Variants in MPC1 observed in about 807,000 individuals in gnomAD.
MPC1 encodes the protein HSPC040 protein.
In MPC1, 6 loss-of-function variants were observed where a neutral mutation model predicts 13.9. The observed-to-expected ratio is 0.43, with a 90% CI of 0.24 to 0.85. The LOEUF (loss-of-function observed/expected upper bound fraction) is 0.85, where lower values mean the gene tolerates loss of function less well. Ranked by LOEUF, MPC1 falls within the 40% of genes least tolerant of loss-of-function variation. The pLI is 0.24. For missense variants in MPC1, 115 were observed against 143.3 expected (o/e 0.80, Z 1.01); for synonymous variants, 47 against 50.5 (o/e 0.93, Z 0.29).
chr6:166,370,180 C>A, intron 2 of MPC1, 38 bp downstream of exon 2: 1 of 780,902 alleles, frequency 1.3e-6, no homozygotes, highest in South Asian at 1.3e-5. Flanking sequence ...TGCAGAAAGT[C>A]TGCAAAAGCC....
chr6:166,380,583 A>C (rs1022114133), intron 1 of MPC1, among the ~76,000 whole-genome samples: 9 of 152,244 alleles, frequency 5.9e-5, no homozygotes, highest in African/African-American at 2.2e-4. Context: ...AAGAAAATAT[A>C]ACACTTAGAA....
chr6:166,381,805 G>C (rs899308038), intron 1 of MPC1: 1 of 983,538 alleles, frequency 1.0e-6, no homozygotes, highest in Non-Finnish European at 1.2e-6. Context: ...CTTTACTTTG[G>C]TTGACAGAAT....
chr6:166,382,071 C>G (rs1466000102), intron 1 of MPC1, among the ~76,000 whole-genome samples: 2 of 152,258 alleles, frequency 1.3e-5, no homozygotes, highest in East Asian at 3.8e-4. Context: ...GCGACCCACT[C>G]CGAGGATCTG....
chr6:166,376,930 A>T (rs931064972), intron 1 of MPC1, among the ~76,000 whole-genome samples: 4 of 152,098 alleles, frequency 2.6e-5, no homozygotes. Flanking sequence ...TTTAATTGGT[A>T]CTTTTAGTCT....
chr6:166,379,840 G>A (rs1325465844), intron 1 of MPC1, among the ~76,000 whole-genome samples: 6 of 152,158 alleles, frequency 3.9e-5, no homozygotes, highest in African/African-American at 1.4e-4. Context: ...AAGAAAAGCC[G>A]GGCTGTAAGC....
chr6:166,366,061 A>G lies in MPC1; in HGVS notation c.218T>C (p.Val73Ala). 1 of 1,614,126 alleles carries G rather than the reference A, an allele frequency of 6.2e-7. No individual in the cohort carries two copies. The highest frequency in any genetic ancestry group is 2.2e-5 in the East Asian group (1 of 44,886). ...SLTFMRFAYK[V>A]QPRNWLLFAC... Reference sequence around the variant, plus strand: ...AAACAGAAGCCAGTTCCGAGGCTGTACCTTGTAGGCAAATCTCATGAATGT... The same window carrying G: ...AAACAGAAGCCAGTTCCGAGGCTGTGCCTTGTAGGCAAATCTCATGAATGT... Residue 73 changes from valine to alanine, a missense_variant, in exon 4 of 5, where the codon GTA becomes GCA. By Grantham distance (64) the Val-to-Ala change is moderately conservative. This residue lies in a region of MPC1 where 71 missense variants were observed against 88.5 expected (regional missense o/e 0.80). Coordinates refer to ENST00000360961, the MANE Select transcript of MPC1 (RefSeq NM_016098.4).
chr6:166,370,616 G>A (rs1779342856), intron 1 of MPC1, among the ~76,000 whole-genome samples: 1 of 152,238 alleles, frequency 6.6e-6, no homozygotes, highest in Admixed American at 6.5e-5. Flanking sequence ...CACTCTGGGA[G>A]GCTAAGGCAG....
At chr6:166,373,894 G>C (rs767620854) in intron 1 of MPC1, among the ~76,000 whole-genome samples, 1 of 152,146 alleles carries the variant, frequency 6.6e-6, no homozygotes, top group Non-Finnish European at 1.5e-5. Flanking sequence ...ATGCTTATTT[G>C]CCATCTGAAC....
At chr6:166,380,191 A>G (rs1003268704) in intron 1 of MPC1, among the ~76,000 whole-genome samples, 9 of 152,248 alleles carry the variant, frequency 5.9e-5, no homozygotes, top group Admixed American at 2.0e-4. Flanking sequence ...GCAAAAACAG[A>G]AGGATATAAT....
intron 1 of MPC1, among the ~76,000 whole-genome samples, chr6:166,373,382 T>C (rs1404284255): frequency 6.6e-6 from 1 of 152,272 alleles, no homozygotes; most frequent in Non-Finnish European, 1.5e-5. Flanking sequence ...CCAGGTAGTA[T>C]GCAGCCTTTT....
chr6:166,368,079 AT>A (rs1779228319), intron 2 of MPC1, among the ~76,000 whole-genome samples: 1 of 152,218 alleles, frequency 6.6e-6, no homozygotes, highest in South Asian at 2.1e-4. Context: ...AACTCTGTAA[AT>A]TAGGCACAGT....
rs1387086081 is a variant in MPC1 at position 166,365,686 on chromosome 6, C to T, written c.306-233G>A. On this transcript the variant is annotated intron_variant, in intron 4 of 4. Coordinates refer to ENST00000360961, the MANE Select transcript of MPC1 (RefSeq NM_016098.4). The surrounding 1 kb of genome is among the most constrained non-coding windows in gnomAD (Gnocchi z 4.2). Reference sequence around the variant, plus strand: ...ATTATACCAGTTGAACATCCCTAAACTGAAAATCCAAAATCCAAAATGCTC... The same window carrying T: ...ATTATACCAGTTGAACATCCCTAAATTGAAAATCCAAAATCCAAAATGCTC... 6.6e-6 allele frequency among the ~76,000 whole-genome samples: 1 copy of T among 152,186 alleles called. No individual in the cohort carries two copies. The highest frequency in any genetic ancestry group is 1.5e-5 in the Non-Finnish European group (1 of 68,032).
At chr6:166,370,075 G>C in intron 2 of MPC1, 143 bp downstream of exon 2, 1 of 741,192 alleles carries the variant, frequency 1.3e-6, no homozygotes, top group Non-Finnish European at 2.5e-6. Flanking sequence ...ACAGGCCAGG[G>C]TGCAGTAGGC....
Position 166,373,749 on chromosome 6 carries a change from A to T in MPC1, c.72-3528T>A, listed in dbSNP as rs79359386. Among the ~76,000 whole-genome samples, 895 of 152,308 alleles carry T rather than the reference A, an allele frequency of 5.9e-3. 12 individuals carry two copies. Among genetic ancestry groups the T allele is most frequent in the African/African-American group, 0.02 (836 of 41,564 alleles). The stretch of plus-strand genomic sequence containing the variant: ...CCTGTTGATTCACATCCTAATCAGC[A>T]TTTGCCTTTGTCAGCGTTCTGCCTT... On this transcript the variant is annotated intron_variant, in intron 1 of 4. Coordinates refer to ENST00000360961, the MANE Select transcript of MPC1 (RefSeq NM_016098.4).
chr6:166,366,009 G>A lies in MPC1; in HGVS notation c.270C>T (p.Ala90=). ...TAAGCCGCCCTCCCTGGATGAGCTG[G>A]GCTACTTCATTTGTTGCGTGGCATG... is the stretch of plus-strand genomic sequence containing the variant. ...LFACHATNEV[A]QLIQGGRLIK... The change falls in exon 4 of 5, where the codon GCC becomes GCT. Residue 90 remains alanine (A), a synonymous_variant. Coordinates refer to ENST00000360961, the MANE Select transcript of MPC1 (RefSeq NM_016098.4). The A allele has an allele frequency of 5.6e-6, 9 of 1,613,806 alleles. No individual in the cohort carries two copies. The highest frequency in any genetic ancestry group is 6.8e-6 in the Non-Finnish European group (8 of 1,179,806).
intron 2 of MPC1, chr6:166,367,314 AT>A (rs1447674156): frequency 1.6e-5 from 6 of 384,352 alleles, no homozygotes; most frequent in Non-Finnish European, 2.2e-5. Flanking sequence ...CTTTTCCCAA[AT>A]TTTTATGAAG....
At chr6:166,371,098 A>G (rs1779364072) in intron 1 of MPC1, among the ~76,000 whole-genome samples, 2 of 152,208 alleles carry the variant, frequency 1.3e-5, no homozygotes, top group African/African-American at 4.8e-5. Flanking sequence ...CAAATTGGAC[A>G]GCACAGCTTT....
chr6:166,368,482 A>C (rs1296572203), intron 2 of MPC1, among the ~76,000 whole-genome samples: 1 of 137,860 alleles, frequency 7.3e-6, no homozygotes, highest in Non-Finnish European at 1.5e-5. Flanking sequence ...TGAACCCGGG[A>C]GGTGAAGGTT....
intron 1 of MPC1, among the ~76,000 whole-genome samples, chr6:166,380,013 T>G (rs1779708922): frequency 6.6e-6 from 1 of 152,224 alleles, no homozygotes; most frequent in African/African-American, 2.4e-5. Context: ...AGACCTAGCA[T>G]GAATTCCCAC....
Sources: allele counts gnomAD v4.1 joint callset (sites outside exome capture counted in the v4.1 genomes callset), GRCh38; gene constraint gnomAD v4.1.1; regional missense constraint gnomAD v4.1.1; non-coding constraint Gnocchi (gnomAD v3.1); transcripts MANE v1.5; gene names NCBI Gene and HGNC (gene_info 2026-07-23, HGNC 2026-07-21).